Variants in RAB38 observed in about 807,000 individuals in gnomAD.
The protein encoded by RAB38 is RAB38, member RAS oncogene family, also known as ras-related protein Rab-38.
In RAB38, 15 loss-of-function variants were observed where a neutral mutation model predicts 18.4. That is an observed-to-expected ratio of 0.82 (90% CI 0.55 to 1.26). The LOEUF is 1.26. Ranked by LOEUF, RAB38 falls within the 50% of genes most tolerant of loss-of-function variation. RAB38 has a pLI of 0.00. For synonymous variants in RAB38, 101 were observed against 104.4 expected (o/e 0.97, Z 0.20); for missense variants, 294 against 267.4 (o/e 1.10, Z -0.69).
At chr11:87,973,179 G>C in the RAB38 span, among the ~76,000 whole-genome samples, 5 of 152,146 alleles carry the variant, frequency 3.3e-5, no homozygotes, top group East Asian at 5.8e-4. Context: ...CACAAGGAAA[G>C]AAAGAAAATG....
At chr11:87,972,969 C>T in the RAB38 span, among the ~76,000 whole-genome samples, 44,761 of 151,588 alleles carry the variant, frequency 0.3, 7,498 homozygotes, top group Non-Finnish European at 0.38. Flanking sequence ...TGTAGCACCT[C>T]CCCCTTTCCT....
the RAB38 span, among the ~76,000 whole-genome samples, chr11:88,105,906 C>A: frequency 6.6e-6 from 1 of 151,924 alleles, no homozygotes; most frequent in Non-Finnish European, 1.5e-5. Flanking sequence ...TCATACCTCC[C>A]AATAGAGGTA....
In RAB38 at chr11:88,114,142, T is replaced by A. The variant is rs774495962; in HGVS notation, c.484-2A>T. The A allele has an allele frequency of 3.1e-6, 5 of 1,613,860 alleles. No individual in the cohort carries two copies. The Admixed American group carries it at 8.3e-5, about 27-fold the overall frequency. ...GGCTTCATCAATGTTTATATTTTCCTATGAGGGAAAAAATAAAACAGCTTT... is the reference window on the plus strand; with the variant it reads ...GGCTTCATCAATGTTTATATTTTCCAATGAGGGAAAAAATAAAACAGCTTT... On this transcript the variant is annotated splice_acceptor_variant, in intron 2 of 2. Coordinates refer to ENST00000243662, the MANE Select transcript of RAB38 (RefSeq NM_022337.3). LOFTEE classifies it high-confidence loss of function.
the RAB38 span, among the ~76,000 whole-genome samples, chr11:88,013,302 G>C: frequency 2.0e-5 from 3 of 152,134 alleles, no homozygotes; most frequent in African/African-American, 7.2e-5. Flanking sequence ...AAGCAGGGCT[G>C]AGGAACATAT....
the RAB38 span, among the ~76,000 whole-genome samples, chr11:87,935,981 G>C: frequency 6.6e-6 from 1 of 152,008 alleles, no homozygotes; most frequent in Non-Finnish European, 1.5e-5. Flanking sequence ...TTGTGCCCAT[G>C]TTCTAATTGA....
chr11:87,868,311 G>A, the RAB38 span, among the ~76,000 whole-genome samples: 3 of 151,592 alleles, frequency 2.0e-5, no homozygotes, highest in African/African-American at 7.3e-5. Context: ...CTCTCACCAT[G>A]TGATCTGTGC....
chr11:87,975,974 TAATC>T, the RAB38 span, among the ~76,000 whole-genome samples: 1 of 151,248 alleles, frequency 6.6e-6, no homozygotes, highest in East Asian at 1.9e-4. Flanking sequence ...TAAATAAAAT[TAATC>T]AATTGTTTGA....
the RAB38 span, among the ~76,000 whole-genome samples, chr11:87,827,099 C>T: frequency 2.6e-5 from 4 of 151,908 alleles, no homozygotes; most frequent in East Asian, 1.9e-4. Flanking sequence ...AGCCTCTGGT[C>T]GTCAAACAGG....
At chr11:88,137,409 T>C (rs1282948290) in intron 2 of RAB38, among the ~76,000 whole-genome samples, 1 of 152,164 alleles carries the variant, frequency 6.6e-6, no homozygotes, top group African/African-American at 2.4e-5. Context: ...TTCTTAGGAT[T>C]TTTGAAAAAG....
At chr11:88,025,783 G>C in the RAB38 span, among the ~76,000 whole-genome samples, 1 of 152,142 alleles carries the variant, frequency 6.6e-6, no homozygotes, top group Non-Finnish European at 1.5e-5. Context: ...ACATTTGTCA[G>C]ATGCATAGTT....
At chr11:87,934,405 A>G in the RAB38 span, among the ~76,000 whole-genome samples, 2 of 152,156 alleles carry the variant, frequency 1.3e-5, no homozygotes, top group African/African-American at 2.4e-5. Flanking sequence ...TTGGATTAAA[A>G]GACAAATAAA....
chr11:87,908,361 C>T, the RAB38 span, among the ~76,000 whole-genome samples: 1 of 151,944 alleles, frequency 6.6e-6, no homozygotes, highest in Non-Finnish European at 1.5e-5. Flanking sequence ...ATCAGGATGC[C>T]AAATTCAATC....
At chr11:87,882,769 C>T in the RAB38 span, among the ~76,000 whole-genome samples, 4 of 151,786 alleles carry the variant, frequency 2.6e-5, no homozygotes, top group African/African-American at 9.7e-5. Flanking sequence ...AGAAACCATT[C>T]CCATGGAAAC....
At chr11:88,084,163 T>G in the RAB38 span, among the ~76,000 whole-genome samples, 1 of 151,842 alleles carries the variant, frequency 6.6e-6, no homozygotes, top group Non-Finnish European at 1.5e-5. Flanking sequence ...ACAATAAGGC[T>G]TAATGCAAGT....
the RAB38 span, among the ~76,000 whole-genome samples, chr11:87,862,777 AT>A: frequency 3.3e-5 from 5 of 151,978 alleles, no homozygotes; most frequent in Non-Finnish European, 7.4e-5. Context: ...AATGTTTACA[AT>A]TTTTTTAAAA....
the RAB38 span, among the ~76,000 whole-genome samples, chr11:88,077,917 A>G: frequency 6.6e-6 from 1 of 152,092 alleles, no homozygotes; most frequent in Non-Finnish European, 1.5e-5. Flanking sequence ...AGGAGTTAAT[A>G]ACCAGAATAT....
the RAB38 span, among the ~76,000 whole-genome samples, chr11:87,822,375 A>G: frequency 2.0e-5 from 3 of 152,222 alleles, no homozygotes; most frequent in East Asian, 5.8e-4. Context: ...TCTAAAAGCA[A>G]CATACATTTT....
At chr11:88,152,017 CG>C in intron 1 of RAB38, among the ~76,000 whole-genome samples, 1 of 152,200 alleles carries the variant, frequency 6.6e-6, no homozygotes, top group East Asian at 1.9e-4. Context: ...CCACATGACA[CG>C]TAAGCCCCAG....
At chr11:88,005,271 G>T in the RAB38 span, among the ~76,000 whole-genome samples, 8 of 151,320 alleles carry the variant, frequency 5.3e-5, no homozygotes, top group African/African-American at 1.9e-4. Flanking sequence ...CGGGAATTTG[G>T]TACAAGGTAG....
Sources: allele counts gnomAD v4.1 joint callset (sites outside exome capture counted in the v4.1 genomes callset), GRCh38; gene constraint gnomAD v4.1.1; transcripts MANE v1.5; gene names NCBI Gene and HGNC (gene_info 2026-07-23, HGNC 2026-07-21).